The following COL24A1 variants were observed in gnomAD, a reference collection of about 807,000 sequenced individuals.
COL24A1 encodes collagen alpha-1(XXIV) chain.
COL24A1 carries 224 observed loss-of-function variants against 253.9 expected under a neutral mutation model. The ratio of observed to expected loss-of-function variants is 0.88; its 90% CI spans 0.79 to 0.99. The LOEUF is 0.99. Among genes scored for constraint, COL24A1 ranks in the 50% least tolerant of loss-of-function variants. COL24A1 has a pLI of 0.00. For synonymous variants in COL24A1, 685 were observed against 673.7 expected (o/e 1.02, Z -0.26); for missense variants, 2,131 against 2,068.5 (o/e 1.03, Z -0.59).
intron 24 of COL24A1, among the ~76,000 whole-genome samples, chr1:85,922,902 T>G (rs961103711): frequency 1.3e-5 from 2 of 152,134 alleles, no homozygotes; most frequent in African/African-American, 4.8e-5. Flanking sequence ...GACCCATCAG[T>G]GTGCTGTATT....
intron 1 of COL24A1, among the ~76,000 whole-genome samples, chr1:86,146,524 T>C (rs756138311): frequency 2.0e-5 from 3 of 151,726 alleles, no homozygotes; most frequent in Non-Finnish European, 4.4e-5. Context: ...TGAACTAGTA[T>C]AGGTGGTATT....
chr1:85,874,100 TA>T (rs1482853291), intron 35 of COL24A1, among the ~76,000 whole-genome samples: 1 of 152,200 alleles, frequency 6.6e-6, no homozygotes, highest in African/African-American at 2.4e-5. Flanking sequence ...AAATGTCTGT[TA>T]AAATTATCTT....
chr1:85,945,178 T>C (rs1449011193), intron 24 of COL24A1, among the ~76,000 whole-genome samples: 3 of 151,148 alleles, frequency 2.0e-5, no homozygotes, highest in African/African-American at 7.3e-5. Context: ...CCACCATGCC[T>C]GGCTAATTTT....
intron 16 of COL24A1, 28 bp downstream of exon 16, chr1:86,022,804 TA>T (rs759514911): frequency 4.9e-5 from 67 of 1,373,052 alleles, no homozygotes; most frequent in South Asian, 1.5e-4. Flanking sequence ...TGATAAAAAT[TA>T]TTTTTATAAT....
chr1:85,826,735 T>A (rs865785868), intron 43 of COL24A1, among the ~76,000 whole-genome samples: 3,060 of 151,480 alleles, frequency 0.02, 107 homozygotes, highest in African/African-American at 0.07. Context: ...TTGTCTGTTG[T>A]TGGTGTATAA....
intron 37 of COL24A1, among the ~76,000 whole-genome samples, chr1:85,855,000 T>C (rs1047417283): frequency 6.6e-6 from 1 of 152,180 alleles, no homozygotes; most frequent in Non-Finnish European, 1.5e-5. Context: ...GTGGCTATTA[T>C]GAGTGGCATT....
chr1:85,868,488 A>T (rs1259816779), intron 37 of COL24A1, 31 bp downstream of exon 37: 2 of 1,475,772 alleles, frequency 1.4e-6, no homozygotes, highest in Non-Finnish European at 1.9e-6. Flanking sequence ...GAATTCACTT[A>T]GTATTTGAAA....
intron 27 of COL24A1, among the ~76,000 whole-genome samples, chr1:85,907,532 G>T (rs1468759743): frequency 6.6e-6 from 1 of 151,804 alleles, no homozygotes; most frequent in East Asian, 1.9e-4. Flanking sequence ...AACACATATG[G>T]AGTGATGGAG....
intron 14 of COL24A1, among the ~76,000 whole-genome samples, chr1:86,024,738 A>G (rs191269283): frequency 6.6e-6 from 1 of 152,268 alleles, no homozygotes; most frequent in Non-Finnish European, 1.5e-5. Context: ...TAGCTTTAAA[A>G]CTTATGATAG....
intron 43 of COL24A1, among the ~76,000 whole-genome samples, chr1:85,828,879 T>C (rs1000061693): frequency 4.0e-5 from 6 of 148,598 alleles, no homozygotes; most frequent in African/African-American, 9.9e-5. Flanking sequence ...CTTTATCCAA[T>C]TTGCCAGTCT....
intron 20 of COL24A1, among the ~76,000 whole-genome samples, chr1:85,982,729 A>G (rs918933500): frequency 6.6e-6 from 1 of 152,014 alleles, no homozygotes; most frequent in African/African-American, 2.4e-5. Flanking sequence ...TGAAGGGCTC[A>G]TGTTTCCAGA....
intron 43 of COL24A1, among the ~76,000 whole-genome samples, chr1:85,831,017 G>A (rs1000387464): frequency 3.3e-5 from 5 of 152,070 alleles, no homozygotes; most frequent in East Asian, 1.9e-4. Flanking sequence ...AAATGTTTAC[G>A]GTTTAAGTTT....
At chr1:85,882,389 C>T (rs373240533) in intron 32 of COL24A1, among the ~76,000 whole-genome samples, 12 of 152,218 alleles carry the variant, frequency 7.9e-5, no homozygotes, top group African/African-American at 2.9e-4. Context: ...GGCGCGAACC[C>T]GGGAGGCGGA....
intron 37 of COL24A1, among the ~76,000 whole-genome samples, chr1:85,859,586 A>G (rs1300498307): frequency 6.6e-6 from 1 of 152,022 alleles, no homozygotes; most frequent in Non-Finnish European, 1.5e-5. Flanking sequence ...CTCTTCAAGG[A>G]TATGTTGTTG....
intron 45 of COL24A1, among the ~76,000 whole-genome samples, chr1:85,822,826 T>C (rs1264482990): frequency 6.6e-6 from 1 of 152,200 alleles, no homozygotes; most frequent in Non-Finnish European, 1.5e-5. Context: ...TCTAACTGGG[T>C]TCCTCATCCT....
chr1:85,909,251 CA>C (rs752544661), intron 26 of COL24A1, among the ~76,000 whole-genome samples: 2 of 151,792 alleles, frequency 1.3e-5, no homozygotes, highest in Non-Finnish European at 3.0e-5. Flanking sequence ...CAAAACAAAA[CA>C]AAACACTTAT....
At chr1:85,875,999 G>A (rs1681121299) in intron 33 of COL24A1, among the ~76,000 whole-genome samples, 1 of 151,978 alleles carries the variant, frequency 6.6e-6, no homozygotes, top group African/African-American at 2.4e-5. Flanking sequence ...GAGTTTTATT[G>A]GGGACACGGG....
chr1:85,987,532 C>G, intron 20 of COL24A1, 69 bp downstream of exon 20: 1 of 1,293,138 alleles, frequency 7.7e-7, no homozygotes, highest in Admixed American at 2.0e-5. Flanking sequence ...AATATTTTTC[C>G]CATTTATTGA....
intron 1 of COL24A1, 60 bp downstream of exon 1, chr1:86,156,281 C>T (rs1406288427): frequency 6.6e-7 from 1 of 1,515,032 alleles, no homozygotes; most frequent in Non-Finnish European, 9.0e-7. Flanking sequence ...TCAGCAGAAC[C>T]AGGGGGTGGA....
Sources: gnomAD v4.1 joint callset for allele counts (sites outside exome capture counted in the v4.1 genomes callset) on GRCh38, gnomAD v4.1.1 for gene constraint, MANE v1.5 for transcripts, NCBI Gene and HGNC (gene_info 2026-07-23, HGNC 2026-07-21) for gene names.